The following RB1CC1 variants were observed in gnomAD, a reference collection of about 807,000 sequenced individuals.
The protein encoded by RB1CC1 is RB1 inducible coiled-coil 1, also known as RB1-inducible coiled-coil protein 1.
RB1CC1 carries 46 observed loss-of-function variants against 177.5 expected under a neutral mutation model. The ratio of observed to expected loss-of-function variants is 0.26; its 90% CI spans 0.20 to 0.33. The LOEUF (loss-of-function observed/expected upper bound fraction) is 0.33, where lower values mean the gene tolerates loss of function less well. Ranked by LOEUF, RB1CC1 falls within the 10% of genes least tolerant of loss-of-function variation. The pLI, the probability that RB1CC1 is intolerant of heterozygous loss-of-function variation, is 1.00. For synonymous variants in RB1CC1, 666 were observed against 613.6 expected (o/e 1.09, Z -1.26); for missense variants, 1,703 against 1,816.3 (o/e 0.94, Z 1.13).
intron 23 of RB1CC1, among the ~76,000 whole-genome samples, chr8:52,624,190 T>C (rs1848228289): frequency 6.6e-6 from 1 of 151,924 alleles, no homozygotes; most frequent in African/African-American, 2.4e-5. Context: ...CTCAATACTA[T>C]ATGGTTCAAG....
At chr8:52,651,853 A>G (rs970199293) in intron 15 of RB1CC1, among the ~76,000 whole-genome samples, 5 of 152,214 alleles carry the variant, frequency 3.3e-5, no homozygotes, top group Non-Finnish European at 7.3e-5. Context: ...ATGACGCTAT[A>G]AAATCATGCA....
At chr8:52,693,997 G>A (rs773421760) in intron 1 of RB1CC1, among the ~76,000 whole-genome samples, 16 of 152,114 alleles carry the variant, frequency 1.1e-4, no homozygotes, top group Non-Finnish European at 1.9e-4. Context: ...TCCATACCTG[G>A]TCATCCTGGC....
intron 1 of RB1CC1, among the ~76,000 whole-genome samples, chr8:52,710,798 G>A (rs922963159): frequency 1.3e-5 from 2 of 152,086 alleles, no homozygotes; most frequent in African/African-American, 4.8e-5. Context: ...ATTAAACCAA[G>A]ATTATCTATA....
chr8:52,644,285 C>A (rs1849816692), intron 16 of RB1CC1, among the ~76,000 whole-genome samples: 1 of 151,946 alleles, frequency 6.6e-6, no homozygotes, highest in Non-Finnish European at 1.5e-5. Context: ...TGGAAGGTAC[C>A]TTAGAAGTCA....
At chr8:52,704,820 C>A (rs188093282) in intron 1 of RB1CC1, among the ~76,000 whole-genome samples, 20 of 152,216 alleles carry the variant, frequency 1.3e-4, no homozygotes, top group Non-Finnish European at 2.2e-4. Context: ...TATAAATAAG[C>A]CTAGTACATA....
At chr8:52,671,208 C>T (rs1007853835) in intron 7 of RB1CC1, among the ~76,000 whole-genome samples, 1 of 152,116 alleles carries the variant, frequency 6.6e-6, no homozygotes, top group Non-Finnish European at 1.5e-5. Flanking sequence ...ATTCCAAATC[C>T]TAATTTCCAA....
intron 15 of RB1CC1, among the ~76,000 whole-genome samples, chr8:52,655,240 A>G (rs929828120): frequency 6.6e-6 from 1 of 152,204 alleles, no homozygotes; most frequent in Non-Finnish European, 1.5e-5. Context: ...GACAATCACA[A>G]GAGATTGTAT....
rs367922595 is a variant in RB1CC1, at chr8:52,657,772, G to A, written c.2057C>T (p.Pro686Leu). The change falls in exon 15 of 24, where the codon CCC becomes CTC. Residue 686 changes from proline to leucine, a missense_variant. Pro to Leu is a moderately conservative substitution (Grantham distance 98). Transcript: ENST00000025008. ...ACTATCTGGAGATAATTCTTCTAAGGGACAAACTGCAGGACATAAGGGATC... is the reference window on the plus strand; with the variant it reads ...ACTATCTGGAGATAATTCTTCTAAGAGACAAACTGCAGGACATAAGGGATC... ...VQDPLCPAVC[P>L]LEELSPDSID... 1.3e-5 allele frequency: 21 copies of A among 1,613,584 alleles called. No individual in the cohort carries two copies. The highest frequency in any genetic ancestry group is 1.7e-5 in the Admixed American group (1 of 59,942).
chr8:52,627,325 C>T (rs541000564), intron 22 of RB1CC1, among the ~76,000 whole-genome samples: 37 of 152,052 alleles, frequency 2.4e-4, no homozygotes, highest in Non-Finnish European at 4.0e-4. Context: ...CCAGCCTAGG[C>T]GACAGAGCAA....
At chr8:52,646,470 A>C (rs907710470) in intron 15 of RB1CC1, among the ~76,000 whole-genome samples, 14 of 152,212 alleles carry the variant, frequency 9.2e-5, no homozygotes, top group African/African-American at 3.4e-4. Context: ...CTCAACTTCA[A>C]ATGTCAGTTT....
At chr8:52,712,200 G>A (rs775156523) in intron 1 of RB1CC1, among the ~76,000 whole-genome samples, 3 of 152,124 alleles carry the variant, frequency 2.0e-5, no homozygotes, top group Non-Finnish European at 4.4e-5. Context: ...AGTGTAACTG[G>A]AGTCAGAAAA....
chr8:52,646,427 G>C (rs2150425458), intron 15 of RB1CC1, among the ~76,000 whole-genome samples: 1 of 151,696 alleles, frequency 6.6e-6, no homozygotes, highest in Admixed American at 6.6e-5. Flanking sequence ...AGTATTTTCT[G>C]GTAAGGGACT....
intron 1 of RB1CC1, among the ~76,000 whole-genome samples, chr8:52,713,025 A>T (rs1415793785): frequency 1.3e-5 from 2 of 152,212 alleles, no homozygotes; most frequent in Non-Finnish European, 2.9e-5. Context: ...ACACACAATT[A>T]AGTCTACTTA....
intron 18 of RB1CC1, among the ~76,000 whole-genome samples, chr8:52,638,382 G>A (rs1449471238): frequency 6.6e-6 from 1 of 151,934 alleles, no homozygotes; most frequent in Non-Finnish European, 1.5e-5. Context: ...TTAGTATTTT[G>A]CCGATAATAT....
chr8:52,691,131 CTG>C (rs1429223010), intron 1 of RB1CC1, among the ~76,000 whole-genome samples: 13 of 152,168 alleles, frequency 8.5e-5, no homozygotes, highest in Non-Finnish European at 1.3e-4. Context: ...TTGCTTTTAG[CTG>C]TAATATCTAT....
intron 5 of RB1CC1, among the ~76,000 whole-genome samples, chr8:52,680,141 T>G (rs1050148543): frequency 1.7e-4 from 26 of 151,956 alleles, no homozygotes; most frequent in East Asian, 7.8e-4. Flanking sequence ...TAATTTAGTG[T>G]AGAAAAAAAG....
At chr8:52,692,582 A>G (rs146259786) in intron 1 of RB1CC1, among the ~76,000 whole-genome samples, 2 of 152,322 alleles carry the variant, frequency 1.3e-5, no homozygotes, top group Non-Finnish European at 2.9e-5. Flanking sequence ...AAAGTCACAT[A>G]GAAAGAAAGT....
Position 52,674,137 on chromosome 8 carries a change from G to C in RB1CC1, c.710C>G (p.Ser237Cys). 6.2e-7 allele frequency: 1 copy of C among 1,614,064 alleles called. No individual in the cohort carries two copies. Among genetic ancestry groups the C allele is most frequent in the Non-Finnish European group, 8.5e-7 (1 of 1,179,970 alleles). Residue 237 changes from serine (S) to cysteine (C), a missense_variant, in exon 7 of 24, where the codon TCC becomes TGC. Ser to Cys is a moderately radical substitution (Grantham distance 112). Transcript: ENST00000025008. ...ATCAGGAGAGAGCACCAGTTCAGTGGATCTTTTCATCTCAGCTTTTTCTGA... is the reference window on the plus strand; with the variant it reads ...ATCAGGAGAGAGCACCAGTTCAGTGCATCTTTTCATCTCAGCTTTTTCTGA... ...EDSEKAEMKR[S>C]TELVLSPDMP...
Position 52,634,903 on chromosome 8 carries a change from C to T in RB1CC1, c.4440+18G>A, listed in dbSNP as rs1188577626. On this transcript the variant is annotated intron_variant, in intron 20 of 23. Transcript: ENST00000025008. ...TTTAAAAATGTTAAGACCAATTTACCAAGAAGAAAAATCTTACCAGTCTTT... is the reference window on the plus strand; with the variant it reads ...TTTAAAAATGTTAAGACCAATTTACTAAGAAGAAAAATCTTACCAGTCTTT... 6.4e-7 allele frequency: 1 copy of T among 1,569,060 alleles called. No individual in the cohort carries two copies. The highest frequency in any genetic ancestry group is 2.3e-5 in the East Asian group (1 of 44,350).
Sources: gnomAD v4.1 joint callset for allele counts (sites outside exome capture counted in the v4.1 genomes callset) on GRCh38, gnomAD v4.1.1 for gene constraint, MANE v1.5 for transcripts, NCBI Gene and HGNC (gene_info 2026-07-23, HGNC 2026-07-21) for gene names.